TMEM72: variants seen among roughly 807,000 people sequenced by gnomAD.
TMEM72 encodes transmembrane protein 72.
TMEM72 carries 9 observed loss-of-function variants against 16.3 expected under a neutral mutation model. That is an observed-to-expected ratio of 0.55 (90% CI 0.33 to 0.96). The LOEUF is 0.96. Among genes scored for constraint, TMEM72 ranks in the 40% least tolerant of loss-of-function variants. The pLI is 0.03. For missense variants in TMEM72, 324 were observed against 337.8 expected (o/e 0.96, Z 0.32); for synonymous variants, 160 against 146.5 (o/e 1.09, Z -0.66).
chr10:44,925,658 A>T (rs750354275), intron 1 of TMEM72, among the ~76,000 whole-genome samples: 2 of 152,226 alleles, frequency 1.3e-5, no homozygotes, highest in African/African-American at 2.4e-5. Flanking sequence ...CTAGAAAATG[A>T]AAGACTGAAA....
Position 44,927,950 on chromosome 10 carries a change from C to T in TMEM72, c.100C>T (p.Leu34Phe). 3 of 1,613,354 alleles carry T rather than the reference C, an allele frequency of 1.9e-6. No homozygotes were observed. The highest frequency in any genetic ancestry group is 2.5e-6 in the Non-Finnish European group (3 of 1,179,798). The change falls in exon 2 of 5, where the codon CTC becomes TTC. Residue 34 changes from leucine (L) to phenylalanine (F), a missense_variant. By Grantham distance (22) the Leu-to-Phe change is conservative. Transcript: ENST00000389583. Reference protein sequence around the residue: ...VLIGVGTETFLQGQFKSLAFY... With the variant: ...VLIGVGTETFFQGQFKSLAFY... ...GATCGGCGTGGGCACTGAGACCTTC[C>T]TCCAGGGCCAGTTCAAAAGCCTGGC...
chr10:44,934,922 A>G lies in TMEM72; in HGVS notation c.616A>G (p.Met206Val). The change falls in exon 5 of 5, where the codon ATG becomes GTG. Residue 206 changes from methionine (M) to valine (V), a missense_variant. Transcript: ENST00000389583. Reference sequence around the variant, plus strand: ...TGCCCTCCAGCCCCCCAACACCCTGATGGAGCTGAGCCTGGAGCCAGCCGA... The same window carrying G: ...TGCCCTCCAGCCCCCCAACACCCTGGTGGAGCTGAGCCTGGAGCCAGCCGA... Reference protein sequence around the residue: ...PSALQPPNTLMELSLEPADSL... With the variant: ...PSALQPPNTLVELSLEPADSL... 6.2e-7 allele frequency: 1 copy of G among 1,613,680 alleles called. No individual in the cohort carries two copies. Among genetic ancestry groups the G allele is most frequent in the Non-Finnish European group, 8.5e-7 (1 of 1,179,876 alleles).
chr10:44,926,137 ACT>A (rs916297695), intron 1 of TMEM72, among the ~76,000 whole-genome samples: 10 of 151,360 alleles, frequency 6.6e-5, no homozygotes, highest in Admixed American at 5.3e-4. Flanking sequence ...ACACTCACAC[ACT>A]CACATATATA....
At chr10:44,918,676 A>G (rs1400502929) in intron 1 of TMEM72, among the ~76,000 whole-genome samples, 1 of 152,176 alleles carries the variant, frequency 6.6e-6, no homozygotes, top group African/African-American at 2.4e-5. Context: ...TGAAAAATCA[A>G]TTAATGTAAC....
intron 1 of TMEM72, 134 bp from the exon 2 acceptor site, chr10:44,927,787 T>A: frequency 1.2e-6 from 1 of 853,022 alleles, no homozygotes; most frequent in Non-Finnish European, 1.9e-6. Flanking sequence ...GCTGCCTGTA[T>A]CATGAAGAGA....
intron 1 of TMEM72, among the ~76,000 whole-genome samples, chr10:44,914,737 G>A (rs1452048526): frequency 2.0e-5 from 3 of 152,190 alleles, no homozygotes; most frequent in Non-Finnish European, 2.9e-5. Context: ...AAGGGGTCCT[G>A]GGAAATGGAT....
chr10:44,912,312 T>G (rs1839949428), intron 1 of TMEM72, among the ~76,000 whole-genome samples: 2 of 152,208 alleles, frequency 1.3e-5, no homozygotes, highest in Non-Finnish European at 2.9e-5. Flanking sequence ...GAGCCCTGCC[T>G]GCTCGCTTCC....
chr10:44,918,006 G>T (rs1840037444), intron 1 of TMEM72, among the ~76,000 whole-genome samples: 1 of 152,158 alleles, frequency 6.6e-6, no homozygotes, highest in Non-Finnish European at 1.5e-5. Context: ...ATGTGGCTGA[G>T]GAAGCCTCAC....
Position 44,935,200 on chromosome 10 carries a change from T to A in TMEM72, c.*66T>A. ...CCTAGCTCAATGGCCCTCCCTGGAG[T>A]TTCAGGGTCTTCTCTGGTCAGCTTT... On this transcript the variant is annotated 3_prime_UTR_variant, in exon 5 of 5. Transcript: ENST00000389583. 6.9e-7 allele frequency: 1 copy of A among 1,449,320 alleles called. No homozygotes were observed. The highest frequency in any genetic ancestry group is 9.3e-7 in the Non-Finnish European group (1 of 1,077,776). The allele number at this position is 1,449,320 out of a possible 1,614,324, so 89.8% of individuals were successfully genotyped here. A position where few individuals can be genotyped will look rare whatever the true frequency, so the allele number is the denominator to read the frequency against.
At chr10:44,915,832 C>G (rs923273565) in intron 1 of TMEM72, among the ~76,000 whole-genome samples, 9 of 152,144 alleles carry the variant, frequency 5.9e-5, no homozygotes, top group Non-Finnish European at 1.2e-4. Flanking sequence ...CCAGCACCAC[C>G]GTGACCTTCT....
In TMEM72 at chr10:44,911,537, G is replaced by A. The variant is rs1279715177; in HGVS notation, c.25G>A (p.Gly9Arg). MQLQVFWT[G>R]LEYTCRLLGI... is the part of the protein sequence containing the mutation. The stretch of plus-strand genomic sequence containing the variant: ...CATGCAGCTCCAGGTGTTCTGGACT[G>A]GGCTGGAATACACCTGCCGGCTCCT... The change falls in exon 1 of 5, where the codon GGG (glycine) becomes AGG (arginine). Residue 9 changes from glycine (G) to arginine (R), a missense_variant. Gly to Arg is a moderately radical substitution (Grantham distance 125). Coordinates refer to ENST00000389583, the MANE Select transcript of TMEM72 (RefSeq NM_001123376.3). 21 of 1,551,362 alleles carry A rather than the reference G, an allele frequency of 1.4e-5. No homozygotes were observed. The highest frequency in any genetic ancestry group is 2.4e-5 in the East Asian group (1 of 41,092).
chr10:44,928,071 C>A (rs1011831205), intron 2 of TMEM72, 84 bp downstream of exon 2: 160 of 1,467,606 alleles, frequency 1.1e-4, no homozygotes, highest in Non-Finnish European at 1.4e-4. Context: ...TAACTCAGAG[C>A]AGTCCCCTTC....
At position 44,934,704 on chromosome 10, in the gene TMEM72, G is replaced by A. The variant is rs373669899; in HGVS notation, c.398G>A (p.Arg133Gln). 4.7e-5 allele frequency: 76 copies of A among 1,608,130 alleles called. No homozygotes were observed. Among genetic ancestry groups the A allele is most frequent in the East Asian group, 2.2e-4 (10 of 44,810 alleles). Residue 133 changes from arginine to glutamine, a missense_variant, in exon 5 of 5, where the codon CGG (arginine) becomes CAG (glutamine). By Grantham distance (43) the Arg-to-Gln change is conservative. Coordinates refer to ENST00000389583, the MANE Select transcript of TMEM72 (RefSeq NM_001123376.3). ...TGLAYFLLSK[R>Q]KKRKAAPEVL... ...CTGGCCTACTTCCTTCTGAGCAAGC[G>A]GAAGAAGAGGAAAGCTGCCCCCGAG...
chr10:44,924,691 G>A (rs568432195), intron 1 of TMEM72, among the ~76,000 whole-genome samples: 1 of 152,378 alleles, frequency 6.6e-6, no homozygotes, highest in African/African-American at 2.4e-5. Flanking sequence ...GGAGGACTGA[G>A]CAGAAAGCGG....
chr10:44,920,665 A>G (rs1261579638), intron 1 of TMEM72, among the ~76,000 whole-genome samples: 1 of 152,032 alleles, frequency 6.6e-6, no homozygotes, highest in Non-Finnish European at 1.5e-5. Flanking sequence ...CTCTCCTTCC[A>G]CTGGAGAATA....
chr10:44,934,825 G>A lies in TMEM72; in HGVS notation c.519G>A (p.Gly173=), dbSNP rs1028471378. ...CAGAGCAAACCTACACTTTCCATGGGGCCCTCAAGGAGGGGCCCAGCTCCC... is the reference window on the plus strand; with the variant it reads ...CAGAGCAAACCTACACTTTCCATGGAGCCCTCAAGGAGGGGCCCAGCTCCC... The part of the protein sequence containing the change: ...GDTEQTYTFH[G]ALKEGPSSLF... The change falls in exon 5 of 5, where the codon GGG becomes GGA. Residue 173 remains glycine, a synonymous_variant. Transcript: ENST00000389583. The A allele has an allele frequency of 1.9e-6, 3 of 1,613,458 alleles. No homozygotes were observed. Among genetic ancestry groups the A allele is most frequent in the Admixed American group, 1.7e-5 (1 of 59,994 alleles).
chr10:44,915,398 C>T (rs146519115), intron 1 of TMEM72, among the ~76,000 whole-genome samples: 1 of 151,656 alleles, frequency 6.6e-6, no homozygotes, highest in African/African-American at 2.4e-5. Flanking sequence ...TCCTCATACC[C>T]ACTGTACAGG....
rs187282570 is a variant in TMEM72, at chr10:44,935,447, A to G, written c.*313A>G. The stretch of plus-strand genomic sequence containing the variant: ...GCGCACGAGGCTGCAGGTGCCATTG[A>G]CTCAGCCCAGAAGGGACAGAGGATG... On this transcript the variant is annotated 3_prime_UTR_variant, in exon 5 of 5. Transcript: ENST00000389583. 2.9e-3 allele frequency: 895 copies of G among 313,702 alleles called. 4 individuals are homozygous for G. Among genetic ancestry groups the G allele is most frequent in the Non-Finnish European group, 4.6e-3 (784 of 171,264 alleles). The allele number at this position is 313,702 out of a possible 1,614,324, so 19.4% of individuals were successfully genotyped here.
chr10:44,927,096 A>G (rs1045952228), intron 1 of TMEM72, among the ~76,000 whole-genome samples: 1 of 152,302 alleles, frequency 6.6e-6, no homozygotes, highest in African/African-American at 2.4e-5. Context: ...CAGCAGGGGC[A>G]TCATCAGAGC....
Sources: gnomAD v4.1 joint callset for allele counts (sites outside exome capture counted in the v4.1 genomes callset) on GRCh38, gnomAD v4.1.1 for gene constraint, MANE v1.5 for transcripts, NCBI Gene and HGNC (gene_info 2026-07-23, HGNC 2026-07-21) for gene names.